Variants in GBF1 observed in about 807,000 individuals in gnomAD.
GBF1 encodes the protein Golgi-specific brefeldin A-resistance guanine nucleotide exchange factor 1.
In GBF1, 114 loss-of-function variants were observed where a neutral mutation model predicts 210.5. The observed-to-expected ratio is 0.54, with a 90% CI of 0.47 to 0.63. GBF1 has a LOEUF of 0.63. Among genes scored for constraint, GBF1 ranks in the 30% least tolerant of loss-of-function variants. The pLI is 0.00. For missense variants in GBF1, 1,851 were observed against 2,357.7 expected, an observed-to-expected ratio of 0.79 and a Z score of 4.45; for synonymous variants, 850 against 889.2, an observed-to-expected ratio of 0.96 and a Z score of 0.78.
chr10:102,382,510 A>G lies in GBF1; in HGVS notation c.*174A>G, dbSNP rs1589847833. The G allele has an allele frequency of 3.4e-6, 2 of 579,838 alleles. No individual in the cohort carries two copies. Among genetic ancestry groups the G allele is most frequent in the East Asian group, 3.0e-5 (1 of 33,160 alleles). 35.9% of individuals were successfully genotyped at this position (579,838 alleles called of 1,614,324 possible). ...ATAGCCCCAGCTAAGACCCCCAATC[A>G]GCTGTGGGACCTTTTTCCTCCTCTG... On this transcript the variant is annotated 3_prime_UTR_variant, in exon 40 of 40. Transcript: ENST00000369983.
At chr10:102,370,652 G>A (rs2060156895) in intron 28 of GBF1, 55 bp from the exon 29 acceptor site, 1 of 1,570,046 alleles carries the variant, frequency 6.4e-7, no homozygotes, top group African/African-American at 1.3e-5. Context: ...TAGGGGACCT[G>A]TTGCCCAGTG....
In GBF1 at chr10:102,366,582, CTCTTT is replaced by C; in HGVS notation, c.2433+78_2433+82del. ...GAGGGCTGAAGAATCCAGCTGCTGTCTCTTTTTTTTTTTTTTTTTTTTGAGACAGA... is the reference window on the plus strand; with the variant it reads ...GAGGGCTGAAGAATCCAGCTGCTGTCTTTTTTTTTTTTTTTTTGAGACAGA... On this transcript the variant is annotated intron_variant, in intron 19 of 39. Coordinates refer to ENST00000369983, the MANE Select transcript of GBF1 (RefSeq NM_001377137.1). This position sits in a 1 kb window ranked among gnomAD's most constrained non-coding sequence, Gnocchi z 4.0. The C allele has an allele frequency of 2.4e-6, 2 of 847,750 alleles. No individual in the cohort carries two copies. Among genetic ancestry groups the C allele is most frequent in the Non-Finnish European group, 3.5e-6 (2 of 577,928 alleles). The allele number at this position is 847,750 out of a possible 1,614,324, so 52.5% of individuals were successfully genotyped here.
rs1332755360 is a variant in GBF1 at position 102,369,229 on chromosome 10, A to G, written c.2992A>G (p.Ser998Gly). 1 of 1,613,348 alleles carries G rather than the reference A, an allele frequency of 6.2e-7. No homozygotes were observed. Among genetic ancestry groups the G allele is most frequent in the Admixed American group, 1.7e-5 (1 of 60,008 alleles). The part of the protein sequence containing the change: ...LSSESIENLP[S>G]VFGSNPKAHI... ...TTTCCAGTCTATTGAGAACCTGCCC[A>G]GTGTATTTGGAAGCAACCCTAAAGC... Residue 998 changes from serine (S) to glycine (G), a missense_variant, in exon 24 of 40, where the codon AGT becomes GGT. Physicochemically the swap from Ser to Gly is moderately conservative, Grantham distance 56. Transcript: ENST00000369983.
Position 102,366,366 on chromosome 10 carries a change from C to T in GBF1, c.2310-17C>T. 3 of 1,613,802 alleles carry T rather than the reference C, an allele frequency of 1.9e-6. No homozygotes were observed. The highest frequency in any genetic ancestry group is 2.5e-6 in the Non-Finnish European group (3 of 1,179,760). ...GCTTACACATTTTCAGCCTCTTCTTCCTTTCTTTCCCTATAGCACCTTCAG... is the reference window on the plus strand; with the variant it reads ...GCTTACACATTTTCAGCCTCTTCTTTCTTTCTTTCCCTATAGCACCTTCAG... On this transcript the variant is annotated splice_polypyrimidine_tract_variant and intron_variant, in intron 18 of 39. Transcript: ENST00000369983. This position sits in a 1 kb window ranked among gnomAD's most constrained non-coding sequence, Gnocchi z 4.0.
chr10:102,362,758 C>T, intron 15 of GBF1, 94 bp downstream of exon 15: 1 of 891,450 alleles, frequency 1.1e-6, no homozygotes, highest in Non-Finnish European at 1.8e-6. Context: ...TATCACTTCC[C>T]CTGGGATGCT....
chr10:102,312,614 A>C (rs2078565780), intron 3 of GBF1, among the ~76,000 whole-genome samples: 2 of 152,226 alleles, frequency 1.3e-5, no homozygotes, highest in African/African-American at 4.8e-5. Flanking sequence ...ATGCAGGTTA[A>C]AAGATCTTAG....
At chr10:102,287,959 T>G (rs1393274465) in intron 3 of GBF1, among the ~76,000 whole-genome samples, 6 of 152,164 alleles carry the variant, frequency 3.9e-5, no homozygotes, top group East Asian at 1.9e-4. Flanking sequence ...TTTGAAAAAT[T>G]TTGTTCTCCC....
the GBF1 span, among the ~76,000 whole-genome samples, chr10:102,237,339 A>G: frequency 3.3e-5 from 5 of 152,172 alleles, no homozygotes; most frequent in African/African-American, 4.8e-5. Flanking sequence ...GAGAAGGGGT[A>G]TGGCATTCTA....
At chr10:102,359,183 T>C (rs2059453544) in intron 10 of GBF1, 84 bp from the exon 11 acceptor site, 4 of 945,146 alleles carry the variant, frequency 4.2e-6, no homozygotes, top group Non-Finnish European at 6.9e-6. Flanking sequence ...AGAGACAGCT[T>C]GGAAGACAGC....
chr10:102,280,321 G>T (rs955344751), intron 3 of GBF1, among the ~76,000 whole-genome samples: 4 of 152,164 alleles, frequency 2.6e-5, no homozygotes, highest in Admixed American at 2.6e-4. Context: ...ACCCAGTCCA[G>T]TGTGTGGGTT....
At chr10:102,321,504 TG>T (rs2056392304) in intron 3 of GBF1, among the ~76,000 whole-genome samples, 1 of 152,246 alleles carries the variant, frequency 6.6e-6, no homozygotes, top group South Asian at 2.1e-4. Context: ...AATAGTATAC[TG>T]ATTTATTTGT....
chr10:102,327,860 G>A (rs1589652413), intron 3 of GBF1, among the ~76,000 whole-genome samples: 1 of 152,218 alleles, frequency 6.6e-6, no homozygotes, highest in East Asian at 1.9e-4. Context: ...TGGGGAAACA[G>A]GTGTTGGCTG....
At chr10:102,250,558 A>G (rs1478118111) in intron 1 of GBF1, among the ~76,000 whole-genome samples, 1 of 146,782 alleles carries the variant, frequency 6.8e-6, no homozygotes, top group Non-Finnish European at 1.5e-5. Context: ...TATGTTGCCT[A>G]GGCTGGTCTC....
intron 1 of GBF1, among the ~76,000 whole-genome samples, chr10:102,248,103 A>C (rs2071061977): frequency 6.6e-6 from 1 of 152,164 alleles, no homozygotes; most frequent in Non-Finnish European, 1.5e-5. Flanking sequence ...TTTGTATGAC[A>C]CTTCTCATTG....
intron 13 of GBF1, chr10:102,361,331 T>G: frequency 1.7e-6 from 1 of 572,486 alleles, no homozygotes. Flanking sequence ...ACCCCAAATA[T>G]GAGAACTGCC....
intron 21 of GBF1, 131 bp from the exon 22 acceptor site, chr10:102,368,087 C>T: frequency 1.4e-6 from 1 of 697,844 alleles, no homozygotes; most frequent in Non-Finnish European, 2.6e-6. Context: ...GGGTGGAAAG[C>T]AGACCACTGA....
Position 102,283,735 on chromosome 10 carries a change from T to G in GBF1, c.163+23619T>G, listed in dbSNP as rs185190869. 5.3e-5 allele frequency among the ~76,000 whole-genome samples: 8 copies of G among 152,358 alleles called. No individual in the cohort carries two copies. In the East Asian group the frequency reaches 1.5e-3, roughly 29 times the overall value. ...AGTAAGTCTTGTCTGTTGGCAAGTT[T>G]TAACCTGTAGGTAGGGGAAAAACGT... On this transcript the variant is annotated intron_variant, in intron 3 of 39. Coordinates refer to ENST00000369983, the MANE Select transcript of GBF1 (RefSeq NM_001377137.1).
intron 2 of GBF1, among the ~76,000 whole-genome samples, chr10:102,259,793 G>A (rs1395672281): frequency 2.0e-5 from 3 of 152,196 alleles, no homozygotes; most frequent in Non-Finnish European, 4.4e-5. Flanking sequence ...CTGGCAATCT[G>A]TAGTAGCTTG....
chr10:102,304,974 C>A (rs921257539), intron 3 of GBF1, among the ~76,000 whole-genome samples: 1 of 140,290 alleles, frequency 7.1e-6, no homozygotes, highest in Non-Finnish European at 1.5e-5. Flanking sequence ...TAGCAAGACG[C>A]ACATCTCTTA....
Sources: gnomAD v4.1 joint callset for allele counts (sites outside exome capture counted in the v4.1 genomes callset) on GRCh38, gnomAD v4.1.1 for gene constraint, Gnocchi (gnomAD v3.1) non-coding constraint, MANE v1.5 for transcripts, NCBI Gene and HGNC (gene_info 2026-07-23, HGNC 2026-07-21) for gene names.